The following RBM47 variants were observed in gnomAD, a reference collection of about 807,000 sequenced individuals.
RBM47 encodes RNA binding motif protein 47.
A neutral mutation model predicts 47.1 loss-of-function variants in RBM47; 21 were observed. The observed-to-expected ratio is 0.45, with a 90% CI of 0.32 to 0.64. The LOEUF is 0.64. RBM47 is among the 30% of genes least tolerant of loss of function. The pLI is 0.05. For missense variants in RBM47, 708 were observed against 870.9 expected (o/e 0.81, Z 2.35); for synonymous variants, 375 against 361.7 (o/e 1.04, Z -0.42).
In RBM47 at chr4:40,432,685, ACAGCGGCTG is replaced by A. The variant is rs748009887; in HGVS notation, c.1499_1507del (p.Ala500_Ala502del). 285 of 1,610,578 alleles carry A rather than the reference ACAGCGGCTG, an allele frequency of 1.8e-4. No individual in the cohort carries two copies. The highest frequency in any genetic ancestry group is 2.1e-4 in the Middle Eastern group (1 of 4,674). Reference sequence around the variant, plus strand: ...TGGTGGCGTCGACACAGTGGGAATGACAGCGGCTGCGGCGGCTGCGGCCGCGGCTGCGGC... The same window carrying A: ...TGGTGGCGTCGACACAGTGGGAATGACGGCGGCTGCGGCCGCGGCTGCGGC... On this transcript the variant is annotated inframe_deletion, in exon 6 of 7. Transcript: ENST00000295971.
At chr4:40,429,166 T>C (rs1023793003) in intron 6 of RBM47, among the ~76,000 whole-genome samples, 1 of 152,102 alleles carries the variant, frequency 6.6e-6, no homozygotes, top group African/African-American at 2.4e-5. Context: ...GGTTATCAGA[T>C]TGACCGTCAA....
rs1712906710 is a variant in RBM47, at chr4:40,437,837, T to C, written c.1057A>G (p.Thr353Ala). ...PSYVYSCDPY[T>A]LAYYGYPYNA... ...TAGGGGTAGCCGTAGTAGGCCAGTGTGTAGGGGTCGCAGGAGTACACGTAG... is the reference window on the plus strand; with the variant it reads ...TAGGGGTAGCCGTAGTAGGCCAGTGCGTAGGGGTCGCAGGAGTACACGTAG... Residue 353 changes from threonine to alanine, a missense_variant, in exon 4 of 7, where the codon ACA (threonine) becomes GCA (alanine). Thr to Ala is a moderately conservative substitution (Grantham distance 58). Transcript: ENST00000295971. The C allele has an allele frequency of 2.5e-6, 4 of 1,614,066 alleles. No individual in the cohort carries two copies. Among genetic ancestry groups the C allele is most frequent in the Non-Finnish European group, 2.5e-6 (3 of 1,179,964 alleles).
At chr4:40,533,343 A>G (rs1727594049) in intron 2 of RBM47, among the ~76,000 whole-genome samples, 1 of 151,552 alleles carries the variant, frequency 6.6e-6, no homozygotes, top group African/African-American at 2.4e-5. Context: ...CTGAGGCAGG[A>G]GAGTCACTTG....
At chr4:40,451,978 T>C (rs2154219580) in intron 3 of RBM47, among the ~76,000 whole-genome samples, 1 of 152,322 alleles carries the variant, frequency 6.6e-6, no homozygotes, top group East Asian at 1.9e-4. Flanking sequence ...GAGACCAGCC[T>C]GGCCAACATG....
chr4:40,606,044 A>G (rs1324497927), intron 1 of RBM47, among the ~76,000 whole-genome samples: 1 of 151,150 alleles, frequency 6.6e-6, no homozygotes, highest in Non-Finnish European at 1.5e-5. Context: ...CTTAAAAAAA[A>G]AAAAACAGCC....
At chr4:40,619,113 C>CCACCAA in intron 1 of RBM47, among the ~76,000 whole-genome samples, 1 of 152,244 alleles carries the variant, frequency 6.6e-6, no homozygotes, top group East Asian at 1.9e-4. Context: ...CTGGCTCTCT[C>CCACCAA]CACCAACACC....
chr4:40,549,115 G>GA (rs1408939359), intron 1 of RBM47, among the ~76,000 whole-genome samples: 1 of 150,198 alleles, frequency 6.7e-6, no homozygotes, highest in Non-Finnish European at 1.5e-5. Context: ...TTTTTGGGGG[G>GA]GGGGACACAG....
intron 2 of RBM47, among the ~76,000 whole-genome samples, chr4:40,529,834 TAATAAATA>T (rs200058463): frequency 0.073 from 9,957 of 137,270 alleles, 403 homozygotes; most frequent in East Asian, 0.21. Context: ...ATCTAAAAAA[TAATAAATA>T]AATAAATAAA....
intron 6 of RBM47, among the ~76,000 whole-genome samples, chr4:40,428,006 C>T (rs1715312062): frequency 6.6e-6 from 1 of 152,082 alleles, no homozygotes; most frequent in African/African-American, 2.4e-5. Context: ...GCCTGGGCAA[C>T]ATGGCGAAAC....
At chr4:40,524,208 T>C (rs1726485569) in intron 2 of RBM47, among the ~76,000 whole-genome samples, 1 of 152,176 alleles carries the variant, frequency 6.6e-6, no homozygotes. Flanking sequence ...TGCTAAATTC[T>C]CGACATATAC....
At chr4:40,491,836 T>C in intron 2 of RBM47, 1 of 210,336 alleles carries the variant, frequency 4.8e-6, no homozygotes, top group Non-Finnish European at 9.7e-6. Context: ...AGTCAACCTG[T>C]GGCAAATGTG....
chr4:40,553,210 A>T (rs1161730168), intron 1 of RBM47, among the ~76,000 whole-genome samples: 1 of 151,218 alleles, frequency 6.6e-6, no homozygotes, highest in Non-Finnish European at 1.5e-5. Context: ...TCCAATCACC[A>T]ACTGTATACT....
At chr4:40,450,090 G>A (rs965500793) in intron 3 of RBM47, among the ~76,000 whole-genome samples, 58 of 152,150 alleles carry the variant, frequency 3.8e-4, no homozygotes, top group African/African-American at 1.3e-3. Flanking sequence ...TATGCCTCCC[G>A]GGCCAACGTT....
chr4:40,552,658 G>C (rs548299731), intron 1 of RBM47, among the ~76,000 whole-genome samples: 2 of 152,242 alleles, frequency 1.3e-5, no homozygotes, highest in East Asian at 3.9e-4. Context: ...CTCACACTTG[G>C]AATAAAATCC....
intron 1 of RBM47, among the ~76,000 whole-genome samples, chr4:40,546,445 T>A (rs1729046911): frequency 6.6e-6 from 1 of 152,138 alleles, no homozygotes; most frequent in Non-Finnish European, 1.5e-5. Flanking sequence ...ATACTTTTGA[T>A]TAGCTAGGTT....
At chr4:40,607,815 G>A (rs1014525396) in intron 1 of RBM47, among the ~76,000 whole-genome samples, 13 of 152,186 alleles carry the variant, frequency 8.5e-5, no homozygotes, top group East Asian at 7.7e-4. Flanking sequence ...TTAAAATGGC[G>A]AATTTTCAGC....
intron 2 of RBM47, among the ~76,000 whole-genome samples, chr4:40,518,523 T>C (rs1405812593): frequency 1.3e-5 from 2 of 152,280 alleles, no homozygotes; most frequent in East Asian, 3.9e-4. Context: ...ATTTGATATA[T>C]GACACCTCAT....
At chr4:40,435,478 G>A (rs532205923) in intron 5 of RBM47, among the ~76,000 whole-genome samples, 19 of 152,260 alleles carry the variant, frequency 1.2e-4, no homozygotes, top group African/African-American at 4.3e-4. Context: ...AACCCGGGAG[G>A]TGGAGGTTGC....
At chr4:40,609,118 G>C (rs1331573529) in intron 1 of RBM47, among the ~76,000 whole-genome samples, 1 of 151,968 alleles carries the variant, frequency 6.6e-6, no homozygotes, top group Non-Finnish European at 1.5e-5. Flanking sequence ...TCAGCCTCCT[G>C]AGTAGCTGGG....
Sources: gnomAD v4.1 joint callset for allele counts (sites outside exome capture counted in the v4.1 genomes callset) on GRCh38, gnomAD v4.1.1 for gene constraint, MANE v1.5 for transcripts, NCBI Gene and HGNC (gene_info 2026-07-23, HGNC 2026-07-21) for gene names.